TLE4: variants seen among roughly 807,000 people sequenced by gnomAD.
TLE4 encodes transducin-like enhancer protein 4.
A neutral mutation model predicts 92.8 loss-of-function variants in TLE4; 8 were observed. That is an observed-to-expected ratio of 0.09 (90% CI 0.05 to 0.16). The LOEUF (loss-of-function observed/expected upper bound fraction) is 0.16, where lower values mean the gene tolerates loss of function less well. Ranked by LOEUF, TLE4 falls within the 10% of genes least tolerant of loss-of-function variation. The pLI is 1.00. For synonymous variants in TLE4, 371 were observed against 374.1 expected (o/e 0.99, Z 0.10); for missense variants, 675 against 997.6 (o/e 0.68, Z 4.36).
At chr9:79,709,748 C>T in intron 14 of TLE4, 49 bp downstream of exon 14, 1 of 1,544,612 alleles carries the variant, frequency 6.5e-7, no homozygotes. Context: ...ACTCAGGTCC[C>T]TTGCTGGCCC....
chr9:79,708,016 T>C, intron 11 of TLE4, 102 bp from the exon 12 acceptor site: 1 of 1,259,458 alleles, frequency 7.9e-7, no homozygotes, highest in Non-Finnish European at 1.1e-6. Flanking sequence ...AAGAACCTCT[T>C]CCATTTCTTT....
At chr9:79,649,643 G>A (rs1006469225) in intron 6 of TLE4, 12 of 329,284 alleles carry the variant, frequency 3.6e-5, no homozygotes, top group African/African-American at 1.4e-4. Context: ...CCTTCTCTAA[G>A]ATTAGCATAC....
At chr9:79,652,446 C>G (rs995975335) in intron 6 of TLE4, 147 bp from the exon 7 acceptor site, 2 of 793,300 alleles carry the variant, frequency 2.5e-6, no homozygotes, top group African/African-American at 1.7e-5. Context: ...CTCGGCCTCC[C>G]AAAGTGCTGG....
chr9:79,594,765 G>T (rs117243960), intron 4 of TLE4, among the ~76,000 whole-genome samples: 1,682 of 151,964 alleles, frequency 0.011, 15 homozygotes, highest in Non-Finnish European at 0.016. Flanking sequence ...TGTATTTTGG[G>T]GTAAATGGGC....
Position 79,704,793 on chromosome 9 carries a change from T to C in TLE4, c.620T>C (p.Val207Ala). ...RDRDSIKSSS[V>A]SPSASFRGAE... ...TCCTTCTAATTCCAGAGCTCTTCAG[T>C]ATCCCCATCAGCCAGTTTCCGAGGT... is the stretch of plus-strand genomic sequence containing the variant. Residue 207 changes from valine to alanine, a missense_variant, in exon 9 of 20, where the codon GTA becomes GCA. Coordinates refer to ENST00000376552, the MANE Select transcript of TLE4 (RefSeq NM_007005.6). 6.2e-7 allele frequency: 1 copy of C among 1,614,034 alleles called. No individual in the cohort carries two copies. Among genetic ancestry groups the C allele is most frequent in the South Asian group, 1.1e-5 (1 of 91,064 alleles).
chr9:79,627,547 A>G (rs2052944649), intron 6 of TLE4, 99 bp downstream of exon 6: 1 of 1,160,134 alleles, frequency 8.6e-7, no homozygotes, highest in Non-Finnish European at 1.3e-6. Flanking sequence ...GCAAAAAGCA[A>G]TAGATGACTA....
At chr9:79,608,028 A>C (rs537521184) in intron 4 of TLE4, among the ~76,000 whole-genome samples, 1 of 152,148 alleles carries the variant, frequency 6.6e-6, no homozygotes, top group South Asian at 2.1e-4. Flanking sequence ...AACAGAGACA[A>C]TTTGACTTTA....
At position 79,652,924 on chromosome 9, in the gene TLE4, G is replaced by T. The variant is rs758163155; in HGVS notation, c.592+130G>T. 44 of 1,026,516 alleles carry T rather than the reference G, an allele frequency of 4.3e-5. No individual in the cohort carries two copies. The Admixed American group carries it at 7.5e-4, about 17-fold the overall frequency. 63.6% of individuals were successfully genotyped at this position (1,026,516 alleles called of 1,614,324 possible). On this transcript the variant is annotated intron_variant, in intron 7 of 19. Transcript: ENST00000376552. ...CTAAACAAAGGATTTCCACTGGAAG[G>T]TAAATTAATTACTGCAAGTAGTCAA...
chr9:79,642,063 A>G (rs1307616961), intron 6 of TLE4, among the ~76,000 whole-genome samples: 2 of 152,056 alleles, frequency 1.3e-5, no homozygotes, highest in African/African-American at 4.8e-5. Context: ...CTATGTAGAC[A>G]CACACACATA....
At chr9:79,645,866 G>A (rs1281923174) in intron 6 of TLE4, among the ~76,000 whole-genome samples, 1 of 152,038 alleles carries the variant, frequency 6.6e-6, no homozygotes, top group African/African-American at 2.4e-5. Context: ...GATAAGAGAG[G>A]TTTTTATTTA....
Position 79,652,803 on chromosome 9 carries a change from C to G in TLE4, c.592+9C>G. The G allele has an allele frequency of 6.2e-7, 1 of 1,613,682 alleles. No homozygotes were observed. The highest frequency in any genetic ancestry group is 2.2e-5 in the East Asian group (1 of 44,866). On this transcript the variant is annotated intron_variant, in intron 7 of 19. Transcript: ENST00000376552. ...CAATGATCACCAAAGAGGTGAGTAA[C>G]TCTCTTGGAATGCCAATCTGAGATG...
intron 9 of TLE4, among the ~76,000 whole-genome samples, 172 bp downstream of exon 9, chr9:79,705,074 T>C (rs1040982157): frequency 6.6e-6 from 1 of 152,208 alleles, no homozygotes; most frequent in Non-Finnish European, 1.5e-5. Context: ...TGAAGTCCTG[T>C]GTGTGTACAG....
intron 8 of TLE4, among the ~76,000 whole-genome samples, chr9:79,680,422 CTGTT>C (rs1347505201): frequency 2.0e-5 from 3 of 152,148 alleles, no homozygotes; most frequent in Non-Finnish European, 4.4e-5. Flanking sequence ...ATTTGGCTCT[CTGTT>C]TGTCTGTTAT....
At chr9:79,708,551 T>G (rs902701985) in intron 12 of TLE4, 42 bp from the exon 13 acceptor site, 1 of 1,559,224 alleles carries the variant, frequency 6.4e-7, no homozygotes, top group African/African-American at 1.4e-5. Flanking sequence ...CACTGTTGTT[T>G]CCTGTGTTCT....
chr9:79,601,524 G>A (rs952574913), intron 4 of TLE4: 8 of 450,616 alleles, frequency 1.8e-5, no homozygotes, highest in African/African-American at 1.6e-4. Flanking sequence ...CTCTCACAAT[G>A]TTTCAAACTT....
chr9:79,671,843 C>T (rs963034240), intron 8 of TLE4, among the ~76,000 whole-genome samples: 1 of 151,542 alleles, frequency 6.6e-6, no homozygotes, highest in Admixed American at 6.6e-5. Context: ...ATACTCCCAC[C>T]CCTACTCAAG....
chr9:79,689,854 T>TTC (rs1564937010), intron 8 of TLE4, among the ~76,000 whole-genome samples: 1 of 152,178 alleles, frequency 6.6e-6, no homozygotes, highest in Non-Finnish European at 1.5e-5. Context: ...GTTGTCAACT[T>TTC]TAGAATCACC....
rs1242668569 is a variant in TLE4, at chr9:79,709,605, G to C, written c.1264-18G>C. The stretch of plus-strand genomic sequence containing the variant: ...GTAACTGTGCTTATTTCTGTTGTTT[G>C]CTTGGGAAAAATTCTAGGTGGGATT... On this transcript the variant is annotated intron_variant, in intron 13 of 19. Coordinates refer to ENST00000376552, the MANE Select transcript of TLE4 (RefSeq NM_007005.6). 1 of 1,612,806 alleles carries C rather than the reference G, an allele frequency of 6.2e-7. No individual in the cohort carries two copies. The highest frequency in any genetic ancestry group is 2.2e-5 in the East Asian group (1 of 44,828).
chr9:79,709,678 C>T lies in TLE4; in HGVS notation c.1319C>T (p.Thr440Ile). The T allele has an allele frequency of 2.5e-6, 4 of 1,614,076 alleles. No homozygotes were observed. Among genetic ancestry groups the T allele is most frequent in the Non-Finnish European group, 3.4e-6 (4 of 1,179,980 alleles). ...GTGCCAGCAATACCTCCAAACCTGA[C>T]AGGCATTCCAGGAGGAAAACCGTGA... ...MRVPAIPPNL[T>I]GIPGGKPAYS... The change falls in exon 14 of 20, where the codon ACA becomes ATA. Residue 440 changes from threonine (T) to isoleucine (I), a missense_variant. Thr to Ile is a moderately conservative substitution (Grantham distance 89). Coordinates refer to ENST00000376552, the MANE Select transcript of TLE4 (RefSeq NM_007005.6).
Sources: gnomAD v4.1 joint callset for allele counts (sites outside exome capture counted in the v4.1 genomes callset) on GRCh38, gnomAD v4.1.1 for gene constraint, MANE v1.5 for transcripts, NCBI Gene and HGNC (gene_info 2026-07-23, HGNC 2026-07-21) for gene names.